The following DNAAF19 variants were observed in gnomAD, a reference collection of about 807,000 sequenced individuals.
DNAAF19 encodes coiled-coil domain containing 103.
At chr17:44,901,393 G>A in the DNAAF19 span, 1 of 1,189,336 alleles carries the variant, frequency 8.4e-7, no homozygotes, top group Non-Finnish European at 1.2e-6. Context: ...GTCAGCTATC[G>A]CTGTTGTTAT....
the DNAAF19 span, chr17:44,902,804 A>G: frequency 6.4e-7 from 1 of 1,553,136 alleles, no homozygotes; most frequent in Non-Finnish European, 8.7e-7. Flanking sequence ...CTGGAGCTGT[A>G]CCAGGTTGAC....
the DNAAF19 span, among the ~76,000 whole-genome samples, chr17:44,900,160 C>A: frequency 6.6e-6 from 1 of 152,160 alleles, no homozygotes. Flanking sequence ...GTAATCCCAG[C>A]ACTTTGGGAG....
the DNAAF19 span, chr17:44,904,342 C>A: frequency 6.5e-7 from 1 of 1,542,204 alleles, no homozygotes; most frequent in African/African-American, 1.4e-5. Flanking sequence ...TCTTCACCAC[C>A]TTCTGGGAAT....
the DNAAF19 span, chr17:44,903,579 C>A: frequency 7.2e-7 from 1 of 1,393,294 alleles, no homozygotes; most frequent in South Asian, 1.7e-5. Context: ...GGAGTAAAGG[C>A]CAGGTTCTAG....
At chr17:44,904,595 A>G in the DNAAF19 span, 1 of 1,550,564 alleles carries the variant, frequency 6.4e-7, no homozygotes, top group Non-Finnish European at 8.7e-7. Context: ...CGTGCTGGCC[A>G]TCATTAACTA....
the DNAAF19 span, chr17:44,901,740 GT>G: frequency 2.7e-6 from 4 of 1,483,616 alleles, no homozygotes; most frequent in Non-Finnish European, 3.7e-6. Context: ...GTTTTGTTTT[GT>G]TTTTTTAACC....
chr17:44,901,465 A>G, the DNAAF19 span: 1 of 1,600,474 alleles, frequency 6.2e-7, no homozygotes, highest in African/African-American at 1.3e-5. Context: ...TAGCTGCCTC[A>G]CACCCACAGA....
At chr17:44,900,042 A>G in the DNAAF19 span, among the ~76,000 whole-genome samples, 1 of 152,080 alleles carries the variant, frequency 6.6e-6, no homozygotes, top group Non-Finnish European at 1.5e-5. Flanking sequence ...CCGCCACAAA[A>G]TCTAGCTCAA....
At chr17:44,901,490 CA>C in the DNAAF19 span, 1 of 1,613,428 alleles carries the variant, frequency 6.2e-7, no homozygotes, top group Non-Finnish European at 8.5e-7. Flanking sequence ...GCATTAAGTC[CA>C]TTGCCTAATT....
chr17:44,902,208 A>T, the DNAAF19 span: 2 of 939,940 alleles, frequency 2.1e-6, no homozygotes, highest in East Asian at 5.1e-5. Flanking sequence ...CAGTTTCCTC[A>T]TCTGAAAATG....
chr17:44,902,748 G>A, the DNAAF19 span: 3 of 1,606,558 alleles, frequency 1.9e-6, no homozygotes, highest in South Asian at 1.1e-5. Context: ...GTCTGGAGGA[G>A]CAGTCTGGTG....
the DNAAF19 span, chr17:44,904,764 A>G: frequency 1.3e-6 from 2 of 1,550,476 alleles, no homozygotes; most frequent in Non-Finnish European, 1.7e-6. Context: ...CGCACACAGT[A>G]CCTGAAGGGT....
the DNAAF19 span, chr17:44,904,522 G>A: frequency 7.6e-5 from 118 of 1,550,460 alleles, no homozygotes; most frequent in Non-Finnish European, 9.1e-5. Flanking sequence ...GGGACCACAC[G>A]CCTGAGGTGC....
the DNAAF19 span, chr17:44,904,575 T>C: frequency 8.4e-6 from 13 of 1,550,428 alleles, no homozygotes; most frequent in African/African-American, 1.8e-4. Context: ...ACAAAGACCA[T>C]CCGGGAGGGC....
chr17:44,904,956 C>T, the DNAAF19 span: 3,408 of 1,550,702 alleles, frequency 2.2e-3, 38 homozygotes, highest in South Asian at 0.018. Flanking sequence ...GAGACTCGCT[C>T]GGCTGTGGAG....
chr17:44,905,166 G>A, the DNAAF19 span: 1 of 963,006 alleles, frequency 1.0e-6, no homozygotes, highest in Non-Finnish European at 1.5e-6. Context: ...TGGGACAGGT[G>A]GTAGGAACAT....
At chr17:44,903,064 A>G in the DNAAF19 span, 1 of 1,370,650 alleles carries the variant, frequency 7.3e-7, no homozygotes, top group Non-Finnish European at 9.4e-7. Context: ...TTTGTTTCCC[A>G]CCCTTAGAGT....
the DNAAF19 span, chr17:44,904,378 G>A: frequency 1.9e-6 from 3 of 1,543,080 alleles, no homozygotes; most frequent in Middle Eastern, 1.7e-4. Context: ...GCTGCGGAGT[G>A]CGTGGGGAGC....
the DNAAF19 span, chr17:44,904,637 C>A: frequency 6.4e-7 from 1 of 1,550,526 alleles, no homozygotes; most frequent in Non-Finnish European, 8.7e-7. Context: ...GCCCTGGGTG[C>A]CCCAGGTGCC....
Sources: allele counts gnomAD v4.1 joint callset (sites outside exome capture counted in the v4.1 genomes callset), GRCh38; gene constraint gnomAD v4.1.1; transcripts MANE v1.5; gene names NCBI Gene and HGNC (gene_info 2026-07-23, HGNC 2026-07-21).